The following THSD7B variants were observed in gnomAD, a reference collection of about 807,000 sequenced individuals.
The protein encoded by THSD7B is thrombospondin type-1 domain-containing protein 7B.
THSD7B carries 138 observed loss-of-function variants against 213.6 expected under a neutral mutation model. The observed-to-expected ratio is 0.65, with a 90% CI of 0.56 to 0.74. The LOEUF (loss-of-function observed/expected upper bound fraction) is 0.74, where lower values mean the gene tolerates loss of function less well. Among genes scored for constraint, THSD7B ranks in the 30% least tolerant of loss-of-function variants. The probability of loss-of-function intolerance (pLI) is 0.00; values close to 1 mark genes in which losing one functional copy is unlikely to be tolerated. For missense variants in THSD7B, 1,931 were observed against 1,991.5 expected (o/e 0.97, Z 0.58); for synonymous variants, 742 against 687.0 (o/e 1.08, Z -1.25).
chr2:137,094,069 A>G (rs930780433), intron 3 of THSD7B, among the ~76,000 whole-genome samples: 2 of 152,196 alleles, frequency 1.3e-5, no homozygotes, highest in Non-Finnish European at 2.9e-5. Flanking sequence ...GGATAGGTGA[A>G]TATTCTAGTT....
chr2:136,942,172 T>C (rs567220725), intron 2 of THSD7B, among the ~76,000 whole-genome samples: 2 of 152,162 alleles, frequency 1.3e-5, no homozygotes, highest in Admixed American at 6.5e-5. Flanking sequence ...TGTGGTGTTA[T>C]TTCTGAGTCC....
chr2:136,809,394 G>T (rs1682340798), intron 1 of THSD7B, among the ~76,000 whole-genome samples: 1 of 152,202 alleles, frequency 6.6e-6, no homozygotes, highest in Non-Finnish European at 1.5e-5. Flanking sequence ...AGAGGCTAGA[G>T]CTAAGTGAAG....
intron 12 of THSD7B, among the ~76,000 whole-genome samples, chr2:137,364,474 A>ATGAT (rs1467629273): frequency 6.6e-6 from 1 of 152,210 alleles, no homozygotes; most frequent in East Asian, 1.9e-4. Context: ...TGCAGATGAC[A>ATGAT]TGATTGTATA....
At chr2:137,545,141 A>G (rs904491735) in intron 15 of THSD7B, among the ~76,000 whole-genome samples, 3 of 151,812 alleles carry the variant, frequency 2.0e-5, no homozygotes, top group Non-Finnish European at 4.4e-5. Flanking sequence ...AGACAGTTGG[A>G]ATTGATGATC....
chr2:137,066,329 C>A (rs1181469712), intron 3 of THSD7B, among the ~76,000 whole-genome samples: 1 of 151,432 alleles, frequency 6.6e-6, no homozygotes, highest in Non-Finnish European at 1.5e-5. Flanking sequence ...GTAGCTGGGA[C>A]TATAGTCATG....
intron 15 of THSD7B, among the ~76,000 whole-genome samples, chr2:137,545,940 A>G (rs1182784544): frequency 6.6e-6 from 1 of 151,762 alleles, no homozygotes; most frequent in Non-Finnish European, 1.5e-5. Flanking sequence ...AGGGAAAAAA[A>G]GTCAATCCTT....
In THSD7B at chr2:137,312,236, A is replaced by T. The variant is rs1683933361; in HGVS notation, c.2500+36210A>T. The stretch of plus-strand genomic sequence containing the variant: ...AACTTCTTCCTGGTTTAGTCTTGGG[A>T]AAGTGTATGTGTCGAGGAATTTATC... On this transcript the variant is annotated intron_variant, in intron 12 of 27. Coordinates refer to ENST00000409968, the MANE Select transcript of THSD7B (RefSeq NM_001316349.2). 2.0e-5 allele frequency among the ~76,000 whole-genome samples: 3 copies of T among 152,164 alleles called. No homozygotes were observed. The South Asian group carries it at 6.2e-4, about 31-fold the overall frequency.
At chr2:137,666,778 C>A (rs181378072) in intron 26 of THSD7B, among the ~76,000 whole-genome samples, 323 of 151,856 alleles carry the variant, frequency 2.1e-3, no homozygotes, top group African/African-American at 7.5e-3. Context: ...GTTTCTATCA[C>A]ATGTAGAAAA....
In THSD7B at chr2:137,511,040, C is replaced by T. The variant is rs184142509; in HGVS notation, c.3139-52181C>T. ...TCTCCTTTCTCTCTATCTTCTGTGA[C>T]TCTAATTGTATGAGAGTTGGAATGC... On this transcript the variant is annotated intron_variant, in intron 15 of 27. Coordinates refer to ENST00000409968, the MANE Select transcript of THSD7B (RefSeq NM_001316349.2). Among the ~76,000 whole-genome samples, 944 of 152,204 alleles carry T rather than the reference C, an allele frequency of 6.2e-3. 9 individuals are homozygous for T. Among genetic ancestry groups the T allele is most frequent in the African/African-American group, 0.022 (916 of 41,532 alleles).
At chr2:137,025,763 G>A (rs1042536036) in intron 2 of THSD7B, among the ~76,000 whole-genome samples, 3 of 152,024 alleles carry the variant, frequency 2.0e-5, no homozygotes, top group African/African-American at 7.2e-5. Context: ...ATAACTCATC[G>A]CATGGCTTCA....
At chr2:137,448,045 A>C (rs143347472) in intron 14 of THSD7B, among the ~76,000 whole-genome samples, 9 of 152,302 alleles carry the variant, frequency 5.9e-5, no homozygotes, top group African/African-American at 2.2e-4. Flanking sequence ...GGAAGATGTG[A>C]GGTCTTAGAA....
chr2:137,550,669 T>G (rs1276609442), intron 15 of THSD7B, among the ~76,000 whole-genome samples: 2 of 152,042 alleles, frequency 1.3e-5, no homozygotes, highest in African/African-American at 2.4e-5. Flanking sequence ...ATGAAGTACA[T>G]GCATGGCTTA....
chr2:137,303,261 A>T (rs1683649115), intron 12 of THSD7B, among the ~76,000 whole-genome samples: 1 of 152,178 alleles, frequency 6.6e-6, no homozygotes. Flanking sequence ...GCTTCAAGCC[A>T]TATTCCTGCT....
Position 137,024,338 on chromosome 2 carries a change from G to C in THSD7B, c.140-32082G>C, listed in dbSNP as rs11900937. 6.3e-3 allele frequency among the ~76,000 whole-genome samples: 956 copies of C among 152,196 alleles called. 12 individuals are homozygous for C. Among genetic ancestry groups the C allele is most frequent in the African/African-American group, 0.022 (917 of 41,518 alleles). ...GAGCTGGAATTTGCTCTCTTTTGTG[G>C]GTTAGAGACCTGACTGCAGTGTAGC... On this transcript the variant is annotated intron_variant, in intron 2 of 27. Coordinates refer to ENST00000409968, the MANE Select transcript of THSD7B (RefSeq NM_001316349.2).
In THSD7B at chr2:137,667,799, T is replaced by C. The variant is rs2104827233; in HGVS notation, c.4677T>C (p.Tyr1559=). ...ATGGCCGAGTAAAAATTTGGGTTTA[T>C]GGCGTTTCAGGTGGCGCTTTTCTCA... ...DPDGRVKIWV[Y]GVSGGAFLIM... The change falls in exon 27 of 28, where the codon TAT becomes TAC. Residue 1559 remains tyrosine (Y), a synonymous_variant. Coordinates refer to ENST00000409968, the MANE Select transcript of THSD7B (RefSeq NM_001316349.2). 1.2e-6 allele frequency: 2 copies of C among 1,606,680 alleles called. No homozygotes were observed. The highest frequency in any genetic ancestry group is 2.7e-5 in the African/African-American group (2 of 75,006).
intron 7 of THSD7B, among the ~76,000 whole-genome samples, chr2:137,201,319 C>A (rs963318172): frequency 6.9e-4 from 105 of 152,220 alleles, no homozygotes; most frequent in African/African-American, 2.4e-3. Context: ...TTATCTGTTG[C>A]TCCATTGGTG....
At chr2:136,984,577 C>T (rs532979894) in intron 2 of THSD7B, among the ~76,000 whole-genome samples, 1 of 152,230 alleles carries the variant, frequency 6.6e-6, no homozygotes, top group African/African-American at 2.4e-5. Context: ...CCTGTAGAAC[C>T]ATGATCTAAT....
intron 5 of THSD7B, among the ~76,000 whole-genome samples, chr2:137,135,173 CATT>C (rs1387537211): frequency 6.6e-6 from 1 of 152,184 alleles, no homozygotes; most frequent in Admixed American, 6.5e-5. Flanking sequence ...CCTTATATCT[CATT>C]ATTCTATTTG....
chr2:137,132,174 C>CTCTGTTTGTCTGTTATTGG lies in THSD7B; in HGVS notation c.1369+16883_1369+16901dup, dbSNP rs1443722957. Among the ~76,000 whole-genome samples, 21 of 150,908 alleles carry CTCTGTTTGTCTGTTATTGG rather than the reference C, an allele frequency of 1.4e-4. 1 individual carries two copies. Among genetic ancestry groups the CTCTGTTTGTCTGTTATTGG allele is most frequent in the Non-Finnish European group, 1.5e-5 (1 of 67,768 alleles). ...ATGGCAGTTCACTCATGATTTGGCT[C>CTCTGTTTGTCTGTTATTGG]TCTGTTTGTCTGTTATTGGTGTATA... On this transcript the variant is annotated intron_variant, in intron 5 of 27. Transcript: ENST00000409968.
Sources: allele counts gnomAD v4.1 joint callset (sites outside exome capture counted in the v4.1 genomes callset), GRCh38; gene constraint gnomAD v4.1.1; transcripts MANE v1.5; gene names NCBI Gene and HGNC (gene_info 2026-07-23, HGNC 2026-07-21).